The following FAF2 variants were observed in gnomAD, a reference collection of about 807,000 sequenced individuals.
FAF2 encodes the protein FAS-associated factor 2.
FAF2 carries 9 observed loss-of-function variants against 62.3 expected under a neutral mutation model. The ratio of observed to expected loss-of-function variants is 0.14; its 90% CI spans 0.09 to 0.25. The LOEUF (loss-of-function observed/expected upper bound fraction) is 0.25. Among genes scored for constraint, FAF2 ranks in the 10% least tolerant of loss-of-function variants. FAF2 has a pLI of 1.00. For synonymous variants in FAF2, 202 were observed against 198.0 expected (o/e 1.02, Z -0.17); for missense variants, 368 against 556.2 (o/e 0.66, Z 3.40).
chr5:176,482,142 T>C (rs1412785069), intron 2 of FAF2, among the ~76,000 whole-genome samples: 1 of 152,146 alleles, frequency 6.6e-6, no homozygotes, highest in Non-Finnish European at 1.5e-5. Flanking sequence ...CATTTGCATA[T>C]CTTCTTTGCA....
In FAF2 at chr5:176,494,954, G is replaced by T. The variant is rs1032529257; in HGVS notation, c.661+679G>T. Among the ~76,000 whole-genome samples the T allele has an allele frequency of 6.6e-6, 1 of 152,150 alleles. No homozygotes were observed. The highest frequency in any genetic ancestry group is 2.4e-5 in the African/African-American group (1 of 41,432). On this transcript the variant is annotated intron_variant, in intron 7 of 10. Transcript: ENST00000261942. The surrounding 1 kb of genome is among the most constrained non-coding windows in gnomAD (Gnocchi z 4.0). Reference sequence around the variant, plus strand: ...ACATTCATAGAAATACCCAGTCTTGGCTAGCAGCTTGCTTTTAATCTTAAT... The same window carrying T: ...ACATTCATAGAAATACCCAGTCTTGTCTAGCAGCTTGCTTTTAATCTTAAT...
chr5:176,490,247 C>T (rs1173215770), intron 4 of FAF2, among the ~76,000 whole-genome samples: 2 of 150,540 alleles, frequency 1.3e-5, no homozygotes, highest in African/African-American at 2.4e-5. Flanking sequence ...GGAGGCGGAG[C>T]TTGCAGTGAG....
chr5:176,469,762 T>C (rs1468848016), intron 1 of FAF2, among the ~76,000 whole-genome samples: 1 of 152,222 alleles, frequency 6.6e-6, no homozygotes, highest in Non-Finnish European at 1.5e-5. Flanking sequence ...GAAGCAGCCG[T>C]AACATCTATA....
At chr5:176,504,228 G>C (rs2913903) in intron 10 of FAF2, among the ~76,000 whole-genome samples, 126,824 of 152,084 alleles carry the variant, frequency 0.83, 53,082 homozygotes, top group African/African-American at 0.92. Flanking sequence ...CTAATCCCAG[G>C]ACTTTGGGAG....
chr5:176,482,534 G>T (rs1758799932), intron 2 of FAF2, among the ~76,000 whole-genome samples: 5 of 151,910 alleles, frequency 3.3e-5, no homozygotes, highest in Non-Finnish European at 7.4e-5. Flanking sequence ...TTTGAGACAG[G>T]ATTTCTCTCT....
intron 1 of FAF2, among the ~76,000 whole-genome samples, chr5:176,458,651 ACCT>A (rs1157585744): frequency 6.7e-6 from 1 of 149,840 alleles, no homozygotes; most frequent in African/African-American, 2.5e-5. Context: ...TGATCTGCCC[ACCT>A]CAGCCTTCCA....
intron 1 of FAF2, among the ~76,000 whole-genome samples, chr5:176,476,865 A>T (rs1758703359): frequency 7.3e-6 from 1 of 136,086 alleles, no homozygotes; most frequent in South Asian, 2.3e-4. Context: ...GCTGGAGTGC[A>T]GTGGCGCTAT....
At position 176,509,106 on chromosome 5, in the gene FAF2, G is replaced by C; in HGVS notation, c.*2156G>C. On this transcript the variant is annotated 3_prime_UTR_variant, in exon 11 of 11. Coordinates refer to ENST00000261942, the MANE Select transcript of FAF2 (RefSeq NM_014613.3). ...CCCTTTATGTCAGTACAACTGTTAG[G>C]GCGGCCTTCCCATTTACTTTAGGTT... The C allele has an allele frequency of 6.6e-6, 1 of 152,134 alleles. No individual in the cohort carries two copies. The highest frequency in any genetic ancestry group is 1.9e-4 in the East Asian group (1 of 5,196). 9.4% of individuals were successfully genotyped at this position (152,134 alleles called of 1,614,324 possible). A position where few individuals can be genotyped will look rare whatever the true frequency, so the allele number is the denominator to read the frequency against.
chr5:176,491,840 G>A (rs1241479240), intron 4 of FAF2, among the ~76,000 whole-genome samples: 1 of 152,206 alleles, frequency 6.6e-6, no homozygotes, highest in Non-Finnish European at 1.5e-5. Context: ...TGCCATTCTA[G>A]AGAGTCTGGG....
At chr5:176,449,403 C>T (rs1465968759) in intron 1 of FAF2, among the ~76,000 whole-genome samples, 3 of 152,146 alleles carry the variant, frequency 2.0e-5, no homozygotes, top group Non-Finnish European at 2.9e-5. Flanking sequence ...GGTGAAACCC[C>T]GTCTCTACTA....
rs767492026 is a variant in FAF2 at position 176,479,172 on chromosome 5, T to C, written c.64-16T>C. 6 of 1,612,608 alleles carry C rather than the reference T, an allele frequency of 3.7e-6. No homozygotes were observed. Among genetic ancestry groups the C allele is most frequent in the Non-Finnish European group, 5.1e-6 (6 of 1,178,684 alleles). Reference sequence around the variant, plus strand: ...TGGTTTTTCTCTAAGTAACTTGTTTTCATCCTTCTTTTCAGGATCTCACTG... The same window carrying C: ...TGGTTTTTCTCTAAGTAACTTGTTTCCATCCTTCTTTTCAGGATCTCACTG... On this transcript the variant is annotated splice_polypyrimidine_tract_variant and intron_variant, in intron 1 of 10. Coordinates refer to ENST00000261942, the MANE Select transcript of FAF2 (RefSeq NM_014613.3).
At position 176,479,222 on chromosome 5, in the gene FAF2, G is replaced by A. The variant is rs757529894; in HGVS notation, c.98G>A (p.Arg33His). The change falls in exon 2 of 11, where the codon CGC becomes CAC. Residue 33 changes from arginine (R) to histidine (H), a missense_variant. Arg to His is a conservative substitution (Grantham distance 29, BLOSUM62 0). Coordinates refer to ENST00000261942, the MANE Select transcript of FAF2 (RefSeq NM_014613.3). The stretch of plus-strand genomic sequence containing the variant: ...GGCATCGAATCTATGGATCAGTGTC[G>A]CCATACCTTGGAACAGCATAACTGG... Reference protein sequence around the residue: ...LTGIESMDQCRHTLEQHNWNI... With the variant: ...LTGIESMDQCHHTLEQHNWNI... The A allele has an allele frequency of 1.9e-6, 3 of 1,613,716 alleles. No homozygotes were observed. Among genetic ancestry groups the A allele is most frequent in the Admixed American group, 1.7e-5 (1 of 59,986 alleles).
At chr5:176,493,425 TCAGGAGCACGCACATG>T (rs1295681191) in intron 5 of FAF2, among the ~76,000 whole-genome samples, 4 of 152,216 alleles carry the variant, frequency 2.6e-5, no homozygotes, top group Non-Finnish European at 2.9e-5. Context: ...TGTAATGTGC[TCAGGAGCACGCACATG>T]CAGGAGCACG....
At chr5:176,476,296 A>T (rs745385061) in intron 1 of FAF2, among the ~76,000 whole-genome samples, 1 of 152,294 alleles carries the variant, frequency 6.6e-6, no homozygotes, top group South Asian at 2.1e-4. Flanking sequence ...AAAACAGTGT[A>T]TTAATGTAAA....
chr5:176,489,026 A>G lies in FAF2; in HGVS notation c.343A>G (p.Arg115Gly). ...FTYYTILDIF[R>G]FALRFIRPDP... Reference sequence around the variant, plus strand: ...CTATTACACGATACTTGATATATTTAGGTATGTACCTTTGGATTTATGTAT... The same window carrying G: ...CTATTACACGATACTTGATATATTTGGGTATGTACCTTTGGATTTATGTAT... The change falls in exon 4 of 11, where the codon AGG becomes GGG. Residue 115 changes from arginine (R) to glycine (G), a missense_variant and splice_region_variant. By Grantham distance (125) the Arg-to-Gly change is moderately radical. Around this residue, in one of 2 missense-constraint regions of FAF2, gnomAD observed 331 missense variants for 441.9 expected, o/e 0.75. Coordinates refer to ENST00000261942, the MANE Select transcript of FAF2 (RefSeq NM_014613.3). The G allele has an allele frequency of 1.9e-6, 3 of 1,610,762 alleles. No homozygotes were observed. The highest frequency in any genetic ancestry group is 2.5e-6 in the Non-Finnish European group (3 of 1,177,316).
intron 1 of FAF2, among the ~76,000 whole-genome samples, chr5:176,471,078 C>G (rs1009701015): frequency 6.6e-6 from 1 of 152,158 alleles, no homozygotes; most frequent in African/African-American, 2.4e-5. Context: ...CTCTTCCACC[C>G]CCACATGTTT....
At chr5:176,501,849 G>A (rs1445096091) in intron 10 of FAF2, among the ~76,000 whole-genome samples, 1 of 152,168 alleles carries the variant, frequency 6.6e-6, no homozygotes, top group Admixed American at 6.5e-5. Context: ...TGCCTCCTGG[G>A]TTCAAGCAAT....
intron 1 of FAF2, among the ~76,000 whole-genome samples, chr5:176,461,242 G>A (rs1227425587): frequency 6.7e-6 from 1 of 148,222 alleles, no homozygotes; most frequent in Non-Finnish European, 1.5e-5. Flanking sequence ...TCGAACTCCT[G>A]ACCTCAAGCA....
chr5:176,467,207 T>C (rs955451320), intron 1 of FAF2, among the ~76,000 whole-genome samples: 2 of 147,662 alleles, frequency 1.4e-5, no homozygotes, highest in Non-Finnish European at 3.0e-5. Context: ...ATTGATGACA[T>C]TAGACACTCG....
Sources: allele counts gnomAD v4.1 joint callset (sites outside exome capture counted in the v4.1 genomes callset), GRCh38; gene constraint gnomAD v4.1.1; regional missense constraint gnomAD v4.1.1; non-coding constraint Gnocchi (gnomAD v3.1); transcripts MANE v1.5; gene names NCBI Gene and HGNC (gene_info 2026-07-23, HGNC 2026-07-21).